The following CDH12 variants were observed in gnomAD, a reference collection of about 807,000 sequenced individuals.
The protein encoded by CDH12 is cadherin-12.
A neutral mutation model predicts 74.1 loss-of-function variants in CDH12; 41 were observed. The ratio of observed to expected loss-of-function variants is 0.55; its 90% CI spans 0.43 to 0.72. The LOEUF is 0.72. Ranked by LOEUF, CDH12 falls within the 30% of genes least tolerant of loss-of-function variation. The pLI is 0.00. For synonymous variants in CDH12, 399 were observed against 355.0 expected, an observed-to-expected ratio of 1.12 and a Z score of -1.39; for missense variants, 945 against 977.2, an observed-to-expected ratio of 0.97 and a Z score of 0.44.
intron 1 of CDH12, among the ~76,000 whole-genome samples, chr5:22,649,944 T>G (rs1739645516): frequency 6.6e-6 from 1 of 152,116 alleles, no homozygotes; most frequent in Admixed American, 6.6e-5. Context: ...AATTATATGC[T>G]TACACATTCA....
intron 3 of CDH12, among the ~76,000 whole-genome samples, chr5:22,296,840 C>T (rs918703294): frequency 6.6e-6 from 1 of 152,034 alleles, no homozygotes; most frequent in Non-Finnish European, 1.5e-5. Flanking sequence ...ATATTGAAGA[C>T]AATGCAGTAC....
intron 3 of CDH12, among the ~76,000 whole-genome samples, chr5:22,260,595 T>C (rs1241340635): frequency 6.6e-6 from 1 of 152,044 alleles, no homozygotes; most frequent in Non-Finnish European, 1.5e-5. Context: ...TTCTCTTTAG[T>C]AGTGTTGGTG....
intron 5 of CDH12, among the ~76,000 whole-genome samples, chr5:22,071,775 G>C (rs979501317): frequency 3.3e-5 from 5 of 152,160 alleles, no homozygotes; most frequent in African/African-American, 1.2e-4. Flanking sequence ...TAAGGGCATA[G>C]GATGTTCAAC....
At chr5:22,720,277 GT>G (rs1743811443) in intron 1 of CDH12, among the ~76,000 whole-genome samples, 1 of 152,054 alleles carries the variant, frequency 6.6e-6, no homozygotes, top group Admixed American at 6.6e-5. Flanking sequence ...ATATCCGATG[GT>G]TTTTTAAGGG....
At chr5:22,039,411 G>A (rs1205771375) in intron 5 of CDH12, among the ~76,000 whole-genome samples, 4 of 151,874 alleles carry the variant, frequency 2.6e-5, no homozygotes, top group Admixed American at 2.6e-4. Flanking sequence ...TGCCTCAGAG[G>A]GTGAACTTGC....
At chr5:22,843,450 T>C (rs555625113) in intron 1 of CDH12, among the ~76,000 whole-genome samples, 1 of 152,094 alleles carries the variant, frequency 6.6e-6, no homozygotes, top group Non-Finnish European at 1.5e-5. Flanking sequence ...CCAGAAAAAA[T>C]GAAGTTGTTT....
At chr5:21,919,340 C>T (rs1754247518) in intron 6 of CDH12, among the ~76,000 whole-genome samples, 1 of 151,972 alleles carries the variant, frequency 6.6e-6, no homozygotes, top group African/African-American at 2.4e-5. Flanking sequence ...ATATTATGTA[C>T]CAAAACTCAA....
At chr5:22,585,232 T>C (rs1384312289) in intron 1 of CDH12, among the ~76,000 whole-genome samples, 1 of 152,190 alleles carries the variant, frequency 6.6e-6, no homozygotes, top group Non-Finnish European at 1.5e-5. Flanking sequence ...AATTCCACTA[T>C]GTCTTCCATT....
intron 1 of CDH12, among the ~76,000 whole-genome samples, chr5:22,790,398 T>C (rs1322165317): frequency 6.6e-6 from 1 of 152,132 alleles, no homozygotes; most frequent in Non-Finnish European, 1.5e-5. Context: ...TCAAAGGGTC[T>C]TGTATTTGCC....
At chr5:22,779,520 G>A (rs1747278977) in intron 1 of CDH12, among the ~76,000 whole-genome samples, 1 of 152,098 alleles carries the variant, frequency 6.6e-6, no homozygotes, top group Non-Finnish European at 1.5e-5. Flanking sequence ...GATATAGTTT[G>A]GCTCTGTGTC....
intron 4 of CDH12, among the ~76,000 whole-genome samples, chr5:22,103,047 C>T: frequency 6.6e-6 from 1 of 152,166 alleles, no homozygotes. Context: ...ACGTTTCCCA[C>T]TCTGCTGATT....
intron 1 of CDH12, among the ~76,000 whole-genome samples, chr5:22,584,885 C>T (rs568320655): frequency 1.3e-5 from 2 of 152,230 alleles, no homozygotes; most frequent in South Asian, 4.1e-4. Context: ...AACTCTTTAA[C>T]ACCATTTCTT....
intron 1 of CDH12, among the ~76,000 whole-genome samples, chr5:22,836,521 G>A (rs1228318116): frequency 4.6e-5 from 7 of 151,618 alleles, no homozygotes; most frequent in Non-Finnish European, 8.8e-5. Flanking sequence ...GAGCCACTGC[G>A]CCCAGCCAGT....
intron 1 of CDH12, among the ~76,000 whole-genome samples, chr5:22,533,381 C>A (rs922963335): frequency 1.1e-4 from 16 of 152,100 alleles, no homozygotes; most frequent in Non-Finnish European, 2.1e-4. Flanking sequence ...CAACTGTTGT[C>A]ATAATATAAC....
At chr5:22,644,526 T>A (rs1260837516) in intron 1 of CDH12, among the ~76,000 whole-genome samples, 1 of 151,892 alleles carries the variant, frequency 6.6e-6, no homozygotes, top group African/African-American at 2.4e-5. Flanking sequence ...TAAATAAAAA[T>A]TTTTAAAAAA....
intron 8 of CDH12, among the ~76,000 whole-genome samples, chr5:21,838,275 G>A (rs965199182): frequency 6.6e-6 from 1 of 152,132 alleles, no homozygotes; most frequent in Non-Finnish European, 1.5e-5. Context: ...AAGTTCCAGT[G>A]CTGGCCAGGC....
chr5:21,861,899 A>T (rs894471546), intron 6 of CDH12, among the ~76,000 whole-genome samples: 5 of 147,722 alleles, frequency 3.4e-5, no homozygotes, highest in Admixed American at 6.8e-5. Context: ...GGTCATTTCT[A>T]GTGTGTGTGT....
intron 4 of CDH12, among the ~76,000 whole-genome samples, chr5:22,124,389 G>A (rs1307366212): frequency 6.6e-6 from 1 of 152,098 alleles, no homozygotes; most frequent in Non-Finnish European, 1.5e-5. Flanking sequence ...CTCCCAAAGT[G>A]CTGGGATTAC....
chr5:22,129,106 A>C (rs984561879), intron 4 of CDH12, among the ~76,000 whole-genome samples: 9 of 152,218 alleles, frequency 5.9e-5, no homozygotes, highest in African/African-American at 1.9e-4. Context: ...AAAGGAACAA[A>C]GATTGTCATG....
Sources: gnomAD v4.1 joint callset for allele counts (sites outside exome capture counted in the v4.1 genomes callset) on GRCh38, gnomAD v4.1.1 for gene constraint, MANE v1.5 for transcripts, NCBI Gene and HGNC (gene_info 2026-07-23, HGNC 2026-07-21) for gene names.